Variants in GLI3 observed in about 807,000 individuals in gnomAD.
GLI3 encodes the protein GLI family zinc finger 3.
GLI3 carries 20 observed loss-of-function variants against 100.8 expected under a neutral mutation model. The observed-to-expected ratio is 0.20, with a 90% CI of 0.14 to 0.29. GLI3 has a LOEUF of 0.29. Among genes scored for constraint, GLI3 ranks in the 10% least tolerant of loss-of-function variants. The probability of loss-of-function intolerance (pLI) is 1.00; values close to 1 mark genes in which losing one functional copy is unlikely to be tolerated. For synonymous variants in GLI3, 938 were observed against 860.5 expected (o/e 1.09, Z -1.58); for missense variants, 2,040 against 2,128.5 (o/e 0.96, Z 0.82).
chr7:42,087,064 G>A (rs192428031), intron 3 of GLI3, among the ~76,000 whole-genome samples: 12 of 152,216 alleles, frequency 7.9e-5, no homozygotes, highest in African/African-American at 1.4e-4. Context: ...CCACTTATCC[G>A]TGTATACCCA....
chr7:41,999,581 G>A (rs1562677883), intron 10 of GLI3, among the ~76,000 whole-genome samples: 1 of 152,128 alleles, frequency 6.6e-6, no homozygotes, highest in South Asian at 2.1e-4. Context: ...CCCTGCATCA[G>A]GGGCCCTGAA....
intron 10 of GLI3, 111 bp from the exon 11 acceptor site, chr7:41,978,859 A>C: frequency 1.1e-6 from 1 of 923,636 alleles, no homozygotes; most frequent in Non-Finnish European, 1.7e-6. Flanking sequence ...TAAAGACCAC[A>C]AGAATAACTT....
intron 1 of GLI3, among the ~76,000 whole-genome samples, chr7:42,251,731 A>G (rs2128710461): frequency 6.6e-6 from 1 of 152,258 alleles, no homozygotes; most frequent in South Asian, 2.1e-4. Context: ...ACATGATGGA[A>G]CAGAGAGGTG....
chr7:42,087,592 A>G (rs1785129191), intron 3 of GLI3, among the ~76,000 whole-genome samples: 1 of 152,176 alleles, frequency 6.6e-6, no homozygotes, highest in Non-Finnish European at 1.5e-5. Context: ...TGAATTCAGG[A>G]TACTTGATCA....
At chr7:42,201,394 A>C (rs1019194025) in intron 2 of GLI3, among the ~76,000 whole-genome samples, 3 of 152,196 alleles carry the variant, frequency 2.0e-5, no homozygotes, top group African/African-American at 7.2e-5. Context: ...AGAAACTGTT[A>C]CTGCCACAGC....
intron 4 of GLI3, among the ~76,000 whole-genome samples, chr7:42,056,105 C>T (rs1010590973): frequency 1.3e-5 from 2 of 152,170 alleles, no homozygotes; most frequent in Non-Finnish European, 2.9e-5. Flanking sequence ...TGAGGCCTCC[C>T]CAGCCACGTG....
chr7:42,026,446 C>T, intron 7 of GLI3, 34 bp from the exon 8 acceptor site: 1 of 1,496,230 alleles, frequency 6.7e-7, no homozygotes, highest in Non-Finnish European at 9.3e-7. Flanking sequence ...ACGATCATCA[C>T]TTAAACGCTG....
At chr7:42,060,559 T>G (rs1387076452) in intron 4 of GLI3, among the ~76,000 whole-genome samples, 1 of 152,214 alleles carries the variant, frequency 6.6e-6, no homozygotes, top group Non-Finnish European at 1.5e-5. Flanking sequence ...CAAAAATTTT[T>G]TAATCAGTTT....
rs536513057 is a variant in GLI3 at position 42,112,095 on chromosome 7, T to C, written c.368-35238A>G. ...CCACAAACAATGACAGGGGAGATTT[T>C]ACCCCACTATTCACTGCATGACAGG... On this transcript the variant is annotated intron_variant, in intron 3 of 14. Coordinates refer to ENST00000395925, the MANE Select transcript of GLI3 (RefSeq NM_000168.6). Among the ~76,000 whole-genome samples, 3 of 152,354 alleles carry C rather than the reference T, an allele frequency of 2.0e-5. No individual in the cohort carries two copies. In the East Asian group the frequency reaches 5.8e-4, roughly 29 times the overall value.
intron 2 of GLI3, among the ~76,000 whole-genome samples, chr7:42,212,135 G>A (rs1788284759): frequency 6.6e-6 from 1 of 151,960 alleles, no homozygotes; most frequent in Admixed American, 6.6e-5. Flanking sequence ...CTTTCCAGTT[G>A]CGTCTTTCCC....
chr7:42,245,245 T>G (rs1038687660), intron 1 of GLI3, among the ~76,000 whole-genome samples: 13 of 152,200 alleles, frequency 8.5e-5, no homozygotes, highest in African/African-American at 2.9e-4. Context: ...AGCTCAGTGT[T>G]GACAACAAAG....
At chr7:42,116,830 A>T (rs930478892) in intron 3 of GLI3, among the ~76,000 whole-genome samples, 4 of 125,504 alleles carry the variant, frequency 3.2e-5, no homozygotes, top group African/African-American at 1.8e-4. Context: ...AAGAGGTCTC[A>T]TAAGAGACCT....
chr7:42,137,505 G>A (rs1403643735), intron 3 of GLI3, among the ~76,000 whole-genome samples: 1 of 152,020 alleles, frequency 6.6e-6, no homozygotes, highest in Non-Finnish European at 1.5e-5. Context: ...AGATCTCCCA[G>A]GGCAGCTTCT....
intron 2 of GLI3, among the ~76,000 whole-genome samples, chr7:42,194,618 C>T (rs1191671268): frequency 6.6e-6 from 1 of 152,144 alleles, no homozygotes; most frequent in East Asian, 1.9e-4. Context: ...TCTTAGCGAA[C>T]GGCATTCCAT....
chr7:42,195,790 T>A (rs889022653), intron 2 of GLI3, among the ~76,000 whole-genome samples: 1 of 152,200 alleles, frequency 6.6e-6, no homozygotes, highest in Admixed American at 6.5e-5. Flanking sequence ...AAATACCTAC[T>A]GAATGCATGA....
intron 2 of GLI3, among the ~76,000 whole-genome samples, chr7:42,187,435 AG>A (rs750622528): frequency 3.9e-5 from 6 of 152,138 alleles, no homozygotes; most frequent in African/African-American, 9.7e-5. Flanking sequence ...ATAAGAGGAA[AG>A]GGTGAAAGTT....
At chr7:42,119,285 C>T (rs371634489) in intron 3 of GLI3, among the ~76,000 whole-genome samples, 7 of 152,174 alleles carry the variant, frequency 4.6e-5, no homozygotes, top group Non-Finnish European at 1.0e-4. Flanking sequence ...CAGTGTTTTT[C>T]CTCGACCGGT....
At chr7:42,046,476 T>G (rs1227899914) in intron 5 of GLI3, among the ~76,000 whole-genome samples, 1 of 152,174 alleles carries the variant, frequency 6.6e-6, no homozygotes, top group African/African-American at 2.4e-5. Context: ...GAAAAAAACT[T>G]TAGGCCACAA....
intron 7 of GLI3, among the ~76,000 whole-genome samples, chr7:42,034,616 C>T (rs1407514496): frequency 6.6e-6 from 1 of 152,122 alleles, no homozygotes; most frequent in Non-Finnish European, 1.5e-5. Flanking sequence ...CTCCTCCCAC[C>T]TCAGGGCCTT....
Sources: gnomAD v4.1 joint callset for allele counts (sites outside exome capture counted in the v4.1 genomes callset) on GRCh38, gnomAD v4.1.1 for gene constraint, MANE v1.5 for transcripts, NCBI Gene and HGNC (gene_info 2026-07-23, HGNC 2026-07-21) for gene names.